Variants in IL1RAPL1 observed in about 807,000 individuals in gnomAD.
IL1RAPL1 encodes interleukin-1 receptor accessory protein-like 1.
Under a neutral mutation model 48.4 loss-of-function variants are expected in IL1RAPL1, and 3 were observed. That is an observed-to-expected ratio of 0.06 (90% confidence interval 0.03 to 0.16). The LOEUF (loss-of-function observed/expected upper bound fraction) is 0.16, where lower values mean the gene tolerates loss of function less well. IL1RAPL1 is among the 10% of genes least tolerant of loss of function. The pLI, the probability that IL1RAPL1 is intolerant of heterozygous loss-of-function variation, is 1.00. For missense variants in IL1RAPL1, 349 were observed against 530.6 expected (o/e 0.66, Z 3.36); for synonymous variants, 185 against 187.7 (o/e 0.99, Z 0.12).
chrX:28,974,414 G>A (rs945128733), intron 2 of IL1RAPL1, among the ~76,000 whole-genome samples: 3 of 111,729 alleles, frequency 2.7e-5, no homozygotes, highest in Non-Finnish European at 5.6e-5. Context: ...AAACACTGAA[G>A]TTATTGTCAT....
chrX:28,798,446 C>T (rs149938690), intron 2 of IL1RAPL1, among the ~76,000 whole-genome samples: 58 of 112,104 alleles, frequency 5.2e-4, no homozygotes, highest in African/African-American at 1.5e-3. Flanking sequence ...TTCTACCTCT[C>T]TCTTTCCCTT....
At chrX:28,650,015 G>A (rs960921341) in intron 1 of IL1RAPL1, among the ~76,000 whole-genome samples, 1 of 111,399 alleles carries the variant, frequency 9.0e-6, no homozygotes, top group Non-Finnish European at 1.9e-5. Context: ...TGGCCCTCAC[G>A]TGTACCTTCA....
chrX:28,687,714 G>A (rs1569151932), intron 1 of IL1RAPL1, among the ~76,000 whole-genome samples: 1 of 109,630 alleles, frequency 9.1e-6, no homozygotes, highest in African/African-American at 3.3e-5. Flanking sequence ...CCCGGGAGGC[G>A]GAGCTTGCAG....
At chrX:29,859,860 T>G (rs1385961035) in intron 6 of IL1RAPL1, among the ~76,000 whole-genome samples, 1 of 111,915 alleles carries the variant, frequency 8.9e-6, no homozygotes, top group Non-Finnish European at 1.9e-5. Context: ...AGAAGTTACA[T>G]TTAAAGATAA....
chrX:29,238,461 T>C (rs776830319), intron 2 of IL1RAPL1, among the ~76,000 whole-genome samples: 2 of 112,060 alleles, frequency 1.8e-5, no homozygotes, highest in South Asian at 7.6e-4. Context: ...ATATACCTGT[T>C]ACCTAGAGTC....
At chrX:29,769,539 G>T (rs1929002721) in intron 6 of IL1RAPL1, among the ~76,000 whole-genome samples, 2 of 95,542 alleles carry the variant, frequency 2.1e-5, no homozygotes, top group Non-Finnish European at 4.1e-5. Flanking sequence ...TGCCTCCCGG[G>T]TTCCAGCGAT....
chrX:29,194,544 C>T (rs1253107299), intron 2 of IL1RAPL1, among the ~76,000 whole-genome samples: 1 of 111,974 alleles, frequency 8.9e-6, no homozygotes, highest in African/African-American at 3.2e-5. Context: ...GAAAACAAAC[C>T]CCTTTTCCTC....
At chrX:29,052,372 C>T (rs1029376004) in intron 2 of IL1RAPL1, among the ~76,000 whole-genome samples, 13 of 111,284 alleles carry the variant, frequency 1.2e-4, no homozygotes, top group Admixed American at 5.8e-4. Context: ...TCAGTCATTT[C>T]TCGTACCTCT....
chrX:28,727,958 A>G (rs1935701292), intron 1 of IL1RAPL1, among the ~76,000 whole-genome samples: 1 of 110,438 alleles, frequency 9.1e-6, no homozygotes, highest in Non-Finnish European at 1.9e-5. Context: ...ATTGGGAGAT[A>G]TACCTAATGC....
chrX:29,373,358 G>A lies in IL1RAPL1; in HGVS notation c.363-22900G>A, dbSNP rs781183718. Among the ~76,000 whole-genome samples, 57 of 111,965 alleles carry A rather than the reference G, an allele frequency of 5.1e-4. 1 individual carries two copies. The highest frequency in any genetic ancestry group is 8.6e-4 in the Non-Finnish European group (46 of 53,222). ...TTCTAGGTATAGAATTATATCATCA[G>A]AAAAGAGAGAGAGTTTGAATTCTTA... On this transcript the variant is annotated intron_variant, in intron 3 of 10. Transcript: ENST00000378993.
Position 28,795,783 on chromosome X carries a change from T to A in IL1RAPL1, c.82+6358T>A, listed in dbSNP as rs193245264. On this transcript the variant is annotated intron_variant, in intron 2 of 10. Coordinates refer to ENST00000378993, the MANE Select transcript of IL1RAPL1 (RefSeq NM_014271.4). ...TGTATTATGAGGGTACAAAATAATA[T>A]ATTGTTCTATGTATTTGATGGGAGA... Among the ~76,000 whole-genome samples, 140 of 110,689 alleles carry A rather than the reference T, an allele frequency of 1.3e-3. 1 individual carries two copies. The highest frequency in any genetic ancestry group is 4.5e-3 in the African/African-American group (137 of 30,416).
chrX:29,683,053 A>G (rs977396474), intron 6 of IL1RAPL1, among the ~76,000 whole-genome samples: 5 of 112,357 alleles, frequency 4.5e-5, no homozygotes, highest in Non-Finnish European at 7.5e-5. Flanking sequence ...AAGACTGGTC[A>G]AGGGTAGAGA....
chrX:29,463,550 C>T (rs1474324161), intron 5 of IL1RAPL1, among the ~76,000 whole-genome samples: 2 of 111,234 alleles, frequency 1.8e-5, no homozygotes, highest in African/African-American at 6.5e-5. Flanking sequence ...TCTGGACTTA[C>T]TTGGGGTTTA....
Position 28,627,998 on chromosome X carries a change from G to A in IL1RAPL1, c.-25+39951G>A, listed in dbSNP as rs764187770. On this transcript the variant is annotated intron_variant, in intron 1 of 10. Transcript: ENST00000378993. ...AGTGGATAAAACAATAAGGTCGCCC[G>A]TCTGAGCAGTTCTTCTGATTTGGGC... Among the ~76,000 whole-genome samples the A allele has an allele frequency of 1.4e-3, 156 of 111,570 alleles. 1 individual carries two copies. Among genetic ancestry groups the A allele is most frequent in the Non-Finnish European group, 2.5e-3 (133 of 53,107 alleles).
intron 2 of IL1RAPL1, among the ~76,000 whole-genome samples, chrX:28,979,569 T>C (rs1392244030): frequency 3.6e-5 from 4 of 112,056 alleles, no homozygotes; most frequent in Non-Finnish European, 7.5e-5. Context: ...AATAGAATTA[T>C]TCTCCATGGA....
chrX:29,541,711 A>T (rs1449580299), intron 5 of IL1RAPL1, among the ~76,000 whole-genome samples: 1 of 111,500 alleles, frequency 9.0e-6, no homozygotes, highest in Non-Finnish European at 1.9e-5. Flanking sequence ...ACATGTTCTC[A>T]CTTGCAAGTG....
At chrX:29,052,142 C>G (rs948084714) in intron 2 of IL1RAPL1, among the ~76,000 whole-genome samples, 1 of 111,577 alleles carries the variant, frequency 9.0e-6, no homozygotes, top group East Asian at 2.8e-4. Flanking sequence ...TGAACTATAC[C>G]AAATCAAACA....
chrX:28,595,911 A>G (rs1191236916), intron 1 of IL1RAPL1, among the ~76,000 whole-genome samples: 1 of 111,082 alleles, frequency 9.0e-6, no homozygotes, highest in Non-Finnish European at 1.9e-5. Flanking sequence ...CATTCAAGGG[A>G]TCTCTAGGGG....
intron 2 of IL1RAPL1, among the ~76,000 whole-genome samples, chrX:28,939,819 G>A (rs1157669009): frequency 9.0e-6 from 1 of 111,467 alleles, no homozygotes; most frequent in Non-Finnish European, 1.9e-5. Flanking sequence ...CGTCATCAGA[G>A]TATCTTGGAT....
Sources: allele counts gnomAD v4.1 joint callset (sites outside exome capture counted in the v4.1 genomes callset), GRCh38; gene constraint gnomAD v4.1.1; transcripts MANE v1.5; gene names NCBI Gene and HGNC (gene_info 2026-07-23, HGNC 2026-07-21).